HPSE2: variants seen among roughly 807,000 people sequenced by gnomAD.
HPSE2 encodes heparanase 2 (inactive).
A neutral mutation model predicts 60.5 loss-of-function variants in HPSE2; 38 were observed. The ratio of observed to expected loss-of-function variants is 0.63; its 90% CI spans 0.48 to 0.82. HPSE2 has a LOEUF of 0.82. Ranked by LOEUF, HPSE2 falls within the 40% of genes least tolerant of loss-of-function variation. The pLI is 0.00. For synonymous variants in HPSE2, 295 were observed against 293.2 expected, an observed-to-expected ratio of 1.01 and a Z score of -0.06; for missense variants, 713 against 740.4, an observed-to-expected ratio of 0.96 and a Z score of 0.43.
intron 9 of HPSE2, among the ~76,000 whole-genome samples, chr10:98,512,383 C>T (rs576415881): frequency 1.3e-5 from 2 of 152,218 alleles, no homozygotes; most frequent in Non-Finnish European, 2.9e-5. Flanking sequence ...AGATCGAGAC[C>T]ATCCTGGCTA....
intron 2 of HPSE2, among the ~76,000 whole-genome samples, chr10:99,145,455 T>TA (rs535573877): frequency 0.017 from 2,366 of 143,224 alleles, 62 homozygotes; most frequent in African/African-American, 0.057. Context: ...GACTCTGTCT[T>TA]AAAAAAAAAA....
At chr10:99,035,123 G>A (rs374308637) in intron 3 of HPSE2, among the ~76,000 whole-genome samples, 150 of 152,216 alleles carry the variant, frequency 9.9e-4, no homozygotes, top group Non-Finnish European at 8.1e-4. Context: ...CAAATTAACC[G>A]TAGCTTTCTT....
chr10:99,185,630 C>A (rs538697241), intron 2 of HPSE2, among the ~76,000 whole-genome samples: 3 of 151,766 alleles, frequency 2.0e-5, no homozygotes, highest in South Asian at 4.2e-4. Context: ...AAAAATTAGC[C>A]GGGCGTAGTG....
rs72389662 is a variant in HPSE2, at chr10:99,112,415, GTGTTTTGTTTTGTTTTGTTT to G, written c.610+31803_610+31822del. ...CCACCATGCCCGGCTTTTTTTTGTT[GTGTTTTGTTTTGTTTTGTTT>G]TGTTTTGTTTTGTTTTGTTTTGTTT... On this transcript the variant is annotated intron_variant, in intron 3 of 11. Transcript: ENST00000370552. 7.7e-4 allele frequency among the ~76,000 whole-genome samples: 105 copies of G among 136,012 alleles called. 1 individual carries two copies. In the East Asian group the frequency reaches 0.013, roughly 17 times the overall value. The allele number at this position is 136,012 out of a possible 152,430, so 89.2% of individuals were successfully genotyped here.
At chr10:98,637,540 C>T (rs1589548126) in intron 7 of HPSE2, among the ~76,000 whole-genome samples, 2 of 152,274 alleles carry the variant, frequency 1.3e-5, no homozygotes, top group South Asian at 4.2e-4. Context: ...GTATCCTTAG[C>T]ATCTTCATTT....
At chr10:98,708,079 GA>G (rs1394083980) in intron 5 of HPSE2, among the ~76,000 whole-genome samples, 1 of 151,998 alleles carries the variant, frequency 6.6e-6, no homozygotes, top group Admixed American at 6.6e-5. Flanking sequence ...GTCTACTTGG[GA>G]AAAAAATTAA....
chr10:98,519,507 G>A (rs967508377), intron 9 of HPSE2, among the ~76,000 whole-genome samples: 6 of 152,240 alleles, frequency 3.9e-5, no homozygotes, highest in Non-Finnish European at 5.9e-5. Flanking sequence ...TACAAGTCAG[G>A]AAAGTTAAAG....
At chr10:98,567,885 A>T (rs1294724718) in intron 9 of HPSE2, among the ~76,000 whole-genome samples, 3 of 152,204 alleles carry the variant, frequency 2.0e-5, no homozygotes, top group Non-Finnish European at 4.4e-5. Context: ...TCAAAGAAAC[A>T]GGCCTTTGCG....
intron 3 of HPSE2, among the ~76,000 whole-genome samples, chr10:99,112,906 G>A (rs1167618179): frequency 6.6e-6 from 1 of 151,858 alleles, no homozygotes; most frequent in Non-Finnish European, 1.5e-5. Context: ...CCACACCCAC[G>A]CAATCTCTAT....
chr10:98,771,408 T>TCC (rs1950237825), intron 3 of HPSE2, among the ~76,000 whole-genome samples: 1 of 152,040 alleles, frequency 6.6e-6, no homozygotes, highest in South Asian at 2.1e-4. Context: ...TGACCACCCT[T>TCC]CCCTAATAAG....
chr10:99,235,592 C>T lies in HPSE2; in HGVS notation c.211G>A (p.Val71Ile), dbSNP rs745645944. The T allele has an allele frequency of 1.9e-5, 30 of 1,613,996 alleles. No individual in the cohort carries two copies. The Middle Eastern group carries it at 4.9e-4, about 27-fold the overall frequency. Reference sequence around the variant, plus strand: ...AGGAAGTTCTCATTGACTGTCCTGACTGGGTTCTTGGTGCTCACATCAAGT... The same window carrying T: ...AGGAAGTTCTCATTGACTGTCCTGATTGGGTTCTTGGTGCTCACATCAAGT... The part of the protein sequence containing the change: ...ILLDVSTKNP[V>I]RTVNENFLSL... Residue 71 changes from valine (V) to isoleucine (I), a missense_variant, in exon 1 of 12, where the codon GTC (valine) becomes ATC (isoleucine). By Grantham distance (29) the Val-to-Ile change is conservative. Transcript: ENST00000370552.
intron 9 of HPSE2, among the ~76,000 whole-genome samples, chr10:98,574,570 C>G (rs491137): frequency 0.85 from 129,110 of 152,002 alleles, 56,099 homozygotes; most frequent in East Asian, 1. Context: ...GCTGAAGAAT[C>G]TGGAACCACT....
At chr10:99,171,233 C>T (rs1212825596) in intron 2 of HPSE2, among the ~76,000 whole-genome samples, 1 of 152,200 alleles carries the variant, frequency 6.6e-6, no homozygotes, top group African/African-American at 2.4e-5. Flanking sequence ...AAGACATGTG[C>T]TAATTCACTC....
chr10:99,063,126 T>C (rs1032932568), intron 3 of HPSE2, among the ~76,000 whole-genome samples: 1 of 152,228 alleles, frequency 6.6e-6, no homozygotes, highest in Non-Finnish European at 1.5e-5. Context: ...CTTACCTTCA[T>C]AAGTTTGTTT....
At chr10:98,739,325 G>C (rs938235727) in intron 4 of HPSE2, among the ~76,000 whole-genome samples, 8 of 152,006 alleles carry the variant, frequency 5.3e-5, no homozygotes, top group African/African-American at 1.9e-4. Context: ...TCTGTCGTGG[G>C]GAGTGGGGTA....
intron 3 of HPSE2, among the ~76,000 whole-genome samples, chr10:98,997,310 G>T (rs913809220): frequency 3.3e-5 from 5 of 151,726 alleles, no homozygotes; most frequent in South Asian, 4.2e-4. Context: ...CAGAGATGGG[G>T]TTTCACCATA....
chr10:99,297,142 G>T, the HPSE2 span, among the ~76,000 whole-genome samples: 1 of 151,660 alleles, frequency 6.6e-6, no homozygotes, highest in Non-Finnish European at 1.5e-5. Flanking sequence ...GCAGCCTGGT[G>T]GGTTACCTGT....
chr10:98,695,288 G>A (rs1565086432), intron 5 of HPSE2, among the ~76,000 whole-genome samples: 1 of 152,178 alleles, frequency 6.6e-6, no homozygotes, highest in Non-Finnish European at 1.5e-5. Flanking sequence ...GGAGGACGAG[G>A]ACGGAGGATG....
chr10:98,861,439 G>A (rs756978711), intron 3 of HPSE2, among the ~76,000 whole-genome samples: 1 of 152,154 alleles, frequency 6.6e-6, no homozygotes, highest in African/African-American at 2.4e-5. Flanking sequence ...GAGAGGCAAG[G>A]AAAGATGAAG....
Sources: gnomAD v4.1 joint callset for allele counts (sites outside exome capture counted in the v4.1 genomes callset) on GRCh38, gnomAD v4.1.1 for gene constraint, MANE v1.5 for transcripts, NCBI Gene and HGNC (gene_info 2026-07-23, HGNC 2026-07-21) for gene names.